Variants in NR3C1 observed in about 807,000 individuals in gnomAD.
NR3C1 encodes the protein glucocorticoid receptor.
A neutral mutation model predicts 74.0 loss-of-function variants in NR3C1; 14 were observed. The ratio of observed to expected loss-of-function variants is 0.19; its 90% confidence interval spans 0.12 to 0.30. The LOEUF (loss-of-function observed/expected upper bound fraction) is 0.30. Among genes scored for constraint, NR3C1 ranks in the 10% least tolerant of loss-of-function variants. The pLI is 1.00. For missense variants in NR3C1, 695 were observed against 909.8 expected (o/e 0.76, Z 3.04); for synonymous variants, 308 against 332.5 (o/e 0.93, Z 0.80).
At chr5:143,298,926 C>T in intron 5 of NR3C1, 114 bp from the exon 6 acceptor site, 2 of 1,015,134 alleles carry the variant, frequency 2.0e-6, no homozygotes, top group Non-Finnish European at 2.9e-6. Context: ...GCACCCCTAA[C>T]AGAAAATGGA....
chr5:143,425,232 A>T (rs1751468562), intron 1 of NR3C1, among the ~76,000 whole-genome samples: 1 of 152,192 alleles, frequency 6.6e-6, no homozygotes, highest in Non-Finnish European at 1.5e-5. Flanking sequence ...TGGATTAAAA[A>T]CTTAAATGTA....
intron 2 of NR3C1, among the ~76,000 whole-genome samples, chr5:143,364,786 G>A (rs1561678783): frequency 6.6e-6 from 1 of 152,026 alleles, no homozygotes; most frequent in Non-Finnish European, 1.5e-5. Context: ...GTTCACTGCA[G>A]CCTCAACCTC....
In NR3C1 at chr5:143,400,752, A is replaced by T. The variant is rs143711342; in HGVS notation, c.88T>A (p.Tyr30Asn). 6.2e-7 allele frequency: 1 copy of T among 1,614,224 alleles called. No homozygotes were observed. The highest frequency in any genetic ancestry group is 8.5e-7 in the Non-Finnish European group (1 of 1,180,044). ...AQERGDVMDF[Y>N]KTLRGGATVK... The stretch of plus-strand genomic sequence containing the variant: ...GTAGCTCCTCCTCTTAGGGTTTTAT[A>T]GAAGTCCATCACATCTCCCCTCTCC... Residue 30 changes from tyrosine to asparagine, a missense_variant, in exon 2 of 9, where the codon TAT (tyrosine) becomes AAT (asparagine). By Grantham distance (143) the Tyr-to-Asn change is moderately radical (BLOSUM62 -2). Around this residue, in one of 4 missense-constraint regions of NR3C1, gnomAD observed 497 missense variants for 489.5 expected, o/e 1.02. Coordinates refer to ENST00000394464, the MANE Select transcript of NR3C1 (RefSeq NM_000176.3).
At chr5:143,334,129 C>T (rs1826603975) in intron 2 of NR3C1, among the ~76,000 whole-genome samples, 1 of 152,302 alleles carries the variant, frequency 6.6e-6, no homozygotes, top group African/African-American at 2.4e-5. Flanking sequence ...TGCCTGTAAT[C>T]CCAACACTTT....
chr5:143,407,169 C>T (rs1205821399), upstream of NR3C1: 6 of 152,208 alleles, frequency 3.9e-5, no homozygotes, highest in African/African-American at 1.4e-4. Flanking sequence ...CTTGTCATAG[C>T]TTTATGTCCC....
rs755804227 is a variant in NR3C1, at chr5:143,399,935, C to T, written c.905G>A (p.Cys302Tyr). The part of the protein sequence containing the change: ...IKQEKLGTVY[C>Y]QASFPGANII... Reference sequence around the variant, plus strand: ...ATTTGCTCCAGGAAAGCTTGCCTGACAGTAAACTGTGCCCAGTTTCTCTTG... The same window carrying T: ...ATTTGCTCCAGGAAAGCTTGCCTGATAGTAAACTGTGCCCAGTTTCTCTTG... The change falls in exon 2 of 9, where the codon TGT becomes TAT. Residue 302 changes from cysteine to tyrosine, a missense_variant. By Grantham distance (194) the Cys-to-Tyr change is radical. Coordinates refer to ENST00000394464, the MANE Select transcript of NR3C1 (RefSeq NM_000176.3). The T allele has an allele frequency of 3.7e-6, 6 of 1,614,210 alleles. No individual in the cohort carries two copies. The South Asian group carries it at 6.6e-5, about 18-fold the overall frequency.
At chr5:143,293,472 G>C (rs565925198) in intron 7 of NR3C1, among the ~76,000 whole-genome samples, 1 of 151,912 alleles carries the variant, frequency 6.6e-6, no homozygotes, top group Non-Finnish European at 1.5e-5. Flanking sequence ...CACCACTAAA[G>C]AACTTATTCA....
intron 1 of NR3C1, 111 bp downstream of exon 1, chr5:143,403,099 CG>C: frequency 1.1e-6 from 1 of 922,194 alleles, no homozygotes; most frequent in Non-Finnish European, 1.3e-6. Flanking sequence ...CCCCACTCCC[CG>C]AGGCTAATAA....
intron 4 of NR3C1, among the ~76,000 whole-genome samples, chr5:143,303,824 A>G (rs1276030531): frequency 6.6e-6 from 1 of 152,108 alleles, no homozygotes; most frequent in African/African-American, 2.4e-5. Flanking sequence ...AAAAAAAATA[A>G]TGATCATCTC....
At chr5:143,389,958 T>C (rs1163450368) in intron 2 of NR3C1, 1 of 974,380 alleles carries the variant, frequency 1.0e-6, no homozygotes, top group Non-Finnish European at 1.2e-6. Flanking sequence ...AAAGAACAAA[T>C]ATCCAAGAAA....
chr5:143,336,988 T>C (rs1827261360), intron 2 of NR3C1, among the ~76,000 whole-genome samples: 1 of 151,826 alleles, frequency 6.6e-6, no homozygotes, highest in African/African-American at 2.4e-5. Flanking sequence ...AAAAAATACA[T>C]ACATACATAT....
chr5:143,416,998 AAG>A (rs764799611), intron 1 of NR3C1, among the ~76,000 whole-genome samples: 30 of 151,440 alleles, frequency 2.0e-4, no homozygotes, highest in Non-Finnish European at 3.4e-4. Flanking sequence ...TGTGTTTAAA[AAG>A]AGAGAGAGAG....
rs1264066038 is a variant in NR3C1 at position 143,400,211 on chromosome 5, T to G, written c.629A>C (p.Glu210Ala). 6.2e-7 allele frequency: 1 copy of G among 1,607,194 alleles called. No homozygotes were observed. Among genetic ancestry groups the G allele is most frequent in the Admixed American group, 1.7e-5 (1 of 58,666 alleles). The change falls in exon 2 of 9, where the codon GAG (glutamate) becomes GCG (alanine). Residue 210 changes from glutamate to alanine, a missense_variant. Physicochemically the swap from Glu to Ala is moderately radical, Grantham distance 107. This residue lies in a region of NR3C1 where 497 missense variants were observed against 489.5 expected (regional missense o/e 1.02). Transcript: ENST00000394464. ...CAACAGGTCTGATCTCCAAGGACTC[T>G]CATTCGTCTCTTTACCTGGGGACCC... ...SSGSPGKETN[E>A]SPWRSDLLID...
chr5:143,380,122 G>C (rs1281847831), intron 2 of NR3C1, among the ~76,000 whole-genome samples: 1 of 152,174 alleles, frequency 6.6e-6, no homozygotes, highest in Non-Finnish European at 1.5e-5. Flanking sequence ...TGAGCAAGCA[G>C]AGAAAACAAA....
At chr5:143,384,927 C>T (rs1366565273) in intron 2 of NR3C1, among the ~76,000 whole-genome samples, 1 of 152,252 alleles carries the variant, frequency 6.6e-6, no homozygotes, top group East Asian at 1.9e-4. Flanking sequence ...CTGCACTGCC[C>T]TAGCAGAGGA....
At chr5:143,343,351 T>A (rs10482649) in intron 2 of NR3C1, among the ~76,000 whole-genome samples, 1 of 152,204 alleles carries the variant, frequency 6.6e-6, no homozygotes, top group Non-Finnish European at 1.5e-5. Flanking sequence ...AGGAGGCAGG[T>A]TGCTTGACCT....
chr5:143,388,834 G>A (rs1333812625), intron 2 of NR3C1, among the ~76,000 whole-genome samples: 1 of 152,170 alleles, frequency 6.6e-6, no homozygotes, highest in Non-Finnish European at 1.5e-5. Context: ...CACAAACTGA[G>A]GTTATGGTGA....
chr5:143,281,992 G>A lies in NR3C1; in HGVS notation c.2231C>T (p.Thr744Ile). Residue 744 changes from threonine to isoleucine, a missense_variant, in exon 9 of 9, where the codon ACC (threonine) becomes ATC (isoleucine). Coordinates refer to ENST00000394464, the MANE Select transcript of NR3C1 (RefSeq NM_000176.3). ...CATCTCGGGGAATTCAATACTCATGGTCTTATCCAAAAATGTTTGGAAGCA... is the reference window on the plus strand; with the variant it reads ...CATCTCGGGGAATTCAATACTCATGATCTTATCCAAAAATGTTTGGAAGCA... ...NYCFQTFLDK[T>I]MSIEFPEMLA... 2 of 1,613,580 alleles carry A rather than the reference G, an allele frequency of 1.2e-6. No homozygotes were observed. The highest frequency in any genetic ancestry group is 1.7e-6 in the Non-Finnish European group (2 of 1,179,718).
chr5:143,418,360 C>T (rs1300944294), intron 1 of NR3C1, among the ~76,000 whole-genome samples: 9 of 152,304 alleles, frequency 5.9e-5, no homozygotes, highest in African/African-American at 2.2e-4. Flanking sequence ...CCCCTTTCTT[C>T]CTGCCCTCAA....
Sources: allele counts gnomAD v4.1 joint callset (sites outside exome capture counted in the v4.1 genomes callset), GRCh38; gene constraint gnomAD v4.1.1; regional missense constraint gnomAD v4.1.1; transcripts MANE v1.5; gene names NCBI Gene and HGNC (gene_info 2026-07-23, HGNC 2026-07-21).